The following ZNF223 variants were observed in gnomAD, a reference collection of about 807,000 sequenced individuals.
ZNF223 encodes the protein Homo sapiens zinc finger protein 223.
Under a neutral mutation model 12.3 loss-of-function variants are expected in ZNF223, and 9 were observed. The ratio of observed to expected loss-of-function variants is 0.73; its 90% CI spans 0.44 to 1.28. ZNF223 has a LOEUF of 1.28. Ranked by LOEUF, ZNF223 falls within the 50% of genes most tolerant of loss-of-function variation. The pLI, the probability that ZNF223 is intolerant of heterozygous loss-of-function variation, is 0.00. For missense variants in ZNF223, 506 were observed against 579.0 expected, an observed-to-expected ratio of 0.87 and a Z score of 1.29; for synonymous variants, 171 against 195.2, an observed-to-expected ratio of 0.88 and a Z score of 1.03.
intron 4 of ZNF223, among the ~76,000 whole-genome samples, chr19:44,064,580 G>C (rs918443258): frequency 2.3e-4 from 35 of 152,266 alleles, no homozygotes; most frequent in Non-Finnish European, 4.6e-4. Context: ...AAACTAAAAA[G>C]TTTAATGGGA....
chr19:44,053,803 C>T (rs748205273), intron 1 of ZNF223, among the ~76,000 whole-genome samples: 45 of 152,162 alleles, frequency 3.0e-4, no homozygotes, highest in Non-Finnish European at 6.2e-4. Flanking sequence ...TGTGGCCTTC[C>T]GCAGTGTATG....
At chr19:44,061,135 G>A (rs1284984483) in intron 4 of ZNF223, among the ~76,000 whole-genome samples, 2 of 151,964 alleles carry the variant, frequency 1.3e-5, no homozygotes, top group Non-Finnish European at 2.9e-5. Flanking sequence ...AAACCCCTGT[G>A]GTCTACTCTT....
intron 4 of ZNF223, among the ~76,000 whole-genome samples, chr19:44,061,718 G>A (rs1976841551): frequency 6.6e-6 from 1 of 152,218 alleles, no homozygotes; most frequent in Non-Finnish European, 1.5e-5. Flanking sequence ...CTGAAGGCTG[G>A]ATGTGGACAT....
intron 4 of ZNF223, among the ~76,000 whole-genome samples, chr19:44,061,844 G>C (rs764387624): frequency 1.3e-5 from 2 of 152,148 alleles, no homozygotes; most frequent in Non-Finnish European, 2.9e-5. Context: ...CCCTCTGTTA[G>C]TTTATGCAGG....
chr19:44,054,937 TTC>T (rs1173070248), intron 1 of ZNF223, among the ~76,000 whole-genome samples, 170 bp from the exon 2 acceptor site: 16 of 152,220 alleles, frequency 1.1e-4, no homozygotes, highest in African/African-American at 3.9e-4. Flanking sequence ...GCCACAATTT[TTC>T]TGTCCCTTTA....
chr19:44,055,153 A>G lies in ZNF223; in HGVS notation c.-24A>G. 6.2e-7 allele frequency: 1 copy of G among 1,613,180 alleles called. No homozygotes were observed. Among genetic ancestry groups the G allele is most frequent in the Non-Finnish European group, 8.5e-7 (1 of 1,179,394 alleles). On this transcript the variant is annotated 5_prime_UTR_variant, in exon 2 of 5. Transcript: ENST00000434772. Reference sequence around the variant, plus strand: ...GGAACTGTGTCATTCAGGACTCTGCAAATTCCCTAAAGTAGGAGGAAAAAT... The same window carrying G: ...GGAACTGTGTCATTCAGGACTCTGCGAATTCCCTAAAGTAGGAGGAAAAAT...
chr19:44,067,140 G>T lies in ZNF223; in HGVS notation c.1312G>T (p.Val438Leu), dbSNP rs778553411. The T allele has an allele frequency of 4.3e-6, 7 of 1,613,450 alleles. No individual in the cohort carries two copies. In the South Asian group the frequency reaches 7.7e-5, roughly 18 times the overall value. Residue 438 changes from valine (V) to leucine (L), a missense_variant, in exon 5 of 5, where the codon GTA becomes TTA. Val to Leu is a conservative substitution (Grantham distance 32). Transcript: ENST00000434772. Reference sequence around the variant, plus strand: ...ATGTGAGGATTGTGGAAAGAAGCTTGTATACCGGTCATACCGTAAAGACCA... The same window carrying T: ...ATGTGAGGATTGTGGAAAGAAGCTTTTATACCGGTCATACCGTAAAGACCA... ...FKCEDCGKKL[V>L]YRSYRKDQQK...
At chr19:44,052,629 T>C (rs936928678) in intron 1 of ZNF223, among the ~76,000 whole-genome samples, 1 of 152,128 alleles carries the variant, frequency 6.6e-6, no homozygotes, top group South Asian at 2.1e-4. Flanking sequence ...TTTACCCAAA[T>C]TTGCCAAGTG....
chr19:44,060,578 G>T lies in ZNF223; in HGVS notation c.139G>T (p.Val47Leu). ...MLENFRNLLS[V>L]GHQPFHRDTF... is the part of the protein sequence containing the mutation. The stretch of plus-strand genomic sequence containing the variant: ...GGAGAACTTCAGGAACCTGCTGTCA[G>T]TGGGTGAGGACAGGCATCTTCTATA... Residue 47 changes from valine (V) to leucine (L), a missense_variant, in exon 3 of 5, where the codon GTG becomes TTG. Physicochemically the swap from Val to Leu is conservative, Grantham distance 32. Coordinates refer to ENST00000434772, the MANE Select transcript of ZNF223 (RefSeq NM_013361.6). 6.2e-7 allele frequency: 1 copy of T among 1,614,134 alleles called. No individual in the cohort carries two copies. Among genetic ancestry groups the T allele is most frequent in the Non-Finnish European group, 8.5e-7 (1 of 1,180,002 alleles).
chr19:44,062,660 A>G (rs372768321), intron 4 of ZNF223, among the ~76,000 whole-genome samples: 45 of 150,960 alleles, frequency 3.0e-4, no homozygotes, highest in African/African-American at 1.1e-3. Flanking sequence ...TTTTTTTTTC[A>G]TGACCACACT....
At chr19:44,064,793 A>T (rs991886823) in intron 4 of ZNF223, among the ~76,000 whole-genome samples, 1 of 152,200 alleles carries the variant, frequency 6.6e-6, no homozygotes, top group Non-Finnish European at 1.5e-5. Flanking sequence ...GAGTCCAGTG[A>T]AGTACCAAAT....
At chr19:44,056,584 C>CTTTTTTTTTTTTTTTTTTTTTT (rs1568512087) in intron 2 of ZNF223, among the ~76,000 whole-genome samples, 1 of 78,372 alleles carries the variant, frequency 1.3e-5, no homozygotes, top group African/African-American at 5.7e-5. Flanking sequence ...AATGCCTCAC[C>CTTTTTTTTTTTTTTTTTTTTTT]ATTTTTTTTT....
intron 4 of ZNF223, among the ~76,000 whole-genome samples, chr19:44,062,627 G>C (rs535026276): frequency 2.4e-4 from 37 of 151,906 alleles, no homozygotes; most frequent in Admixed American, 4.6e-4. Flanking sequence ...CCCATGTCCT[G>C]TGGAAACTTC....
chr19:44,061,023 G>C, intron 4 of ZNF223, 182 bp downstream of exon 4: 2 of 577,814 alleles, frequency 3.5e-6, no homozygotes, highest in Non-Finnish European at 6.3e-6. Context: ...CCTCATGGCA[G>C]CTAAAGTGAT....
At chr19:44,053,888 C>T (rs1320378753) in intron 1 of ZNF223, among the ~76,000 whole-genome samples, 1 of 152,162 alleles carries the variant, frequency 6.6e-6, no homozygotes, top group Admixed American at 6.6e-5. Context: ...ACATTTTTAC[C>T]AAAGCACATC....
At chr19:44,060,248 T>G (rs12610472) in intron 2 of ZNF223, 1 of 836,958 alleles carries the variant, frequency 1.2e-6, no homozygotes, top group African/African-American at 1.7e-5. Context: ...AAGACTTCTT[T>G]GTCGTTGGAC....
rs143104475 is a variant in ZNF223 at position 44,066,764 on chromosome 19, A to C, written c.936A>C (p.Gly312=). Residue 312 remains glycine, a synonymous_variant, in exon 5 of 5, where the codon GGA becomes GGC. Transcript: ENST00000434772. The part of the protein sequence containing the change: ...SLNRHCVVHT[G]KKPNSTGEYG... The stretch of plus-strand genomic sequence containing the variant: ...ATAGGCATTGTGTGGTCCACACAGG[A>C]AAGAAACCAAACAGCACTGGGGAAT... 5,042 of 1,614,220 alleles carry C rather than the reference A, an allele frequency of 3.1e-3. 21 individuals are homozygous for C. The highest frequency in any genetic ancestry group is 2.9e-3 in the Non-Finnish European group (3,458 of 1,180,040).
intron 2 of ZNF223, among the ~76,000 whole-genome samples, chr19:44,057,231 T>A (rs970218294): frequency 1.3e-5 from 2 of 152,102 alleles, no homozygotes; most frequent in African/African-American, 2.4e-5. Context: ...GTTGAATGAT[T>A]AGAGAGGTAG....
At chr19:44,060,120 C>T (rs566373896) in intron 2 of ZNF223, among the ~76,000 whole-genome samples, 10 of 152,266 alleles carry the variant, frequency 6.6e-5, no homozygotes, top group Admixed American at 1.3e-4. Flanking sequence ...TGCTCACTGT[C>T]GCTGGGACTA....
Sources: gnomAD v4.1 joint callset for allele counts (sites outside exome capture counted in the v4.1 genomes callset) on GRCh38, gnomAD v4.1.1 for gene constraint, MANE v1.5 for transcripts, NCBI Gene and HGNC (gene_info 2026-07-23, HGNC 2026-07-21) for gene names.